The following COL28A1 variants were observed in gnomAD, a reference collection of about 807,000 sequenced individuals.
COL28A1 encodes collagen type XXVIII alpha 1 chain.
In COL28A1, 161 loss-of-function variants were observed where a neutral mutation model predicts 150.2. The observed-to-expected ratio is 1.07, with a 90% CI of 0.94 to 1.22. COL28A1 has a LOEUF of 1.22. Ranked by LOEUF, COL28A1 falls within the 50% of genes most tolerant of loss-of-function variation. COL28A1 has a pLI of 0.00. For synonymous variants in COL28A1, 552 were observed against 469.7 expected, an observed-to-expected ratio of 1.18 and a Z score of -2.26; for missense variants, 1,617 against 1,388.3, an observed-to-expected ratio of 1.16 and a Z score of -2.62.
At chr7:7,443,678 T>C in intron 19 of COL28A1, 25 bp from the exon 20 acceptor site, 2 of 1,613,770 alleles carry the variant, frequency 1.2e-6, no homozygotes. Flanking sequence ...ACTGATGTGT[T>C]AGCTGACCCT....
chr7:7,422,998 G>C (rs534213436), intron 25 of COL28A1, among the ~76,000 whole-genome samples: 25 of 152,320 alleles, frequency 1.6e-4, no homozygotes, highest in Middle Eastern at 3.4e-3. Context: ...GCATGATTTG[G>C]ATCCCAATCC....
chr7:7,446,801 T>G (rs1443670857), intron 18 of COL28A1, among the ~76,000 whole-genome samples: 1 of 152,178 alleles, frequency 6.6e-6, no homozygotes, highest in Non-Finnish European at 1.5e-5. Context: ...TTCAGGCATC[T>G]CTCTAAGGAG....
Position 7,465,231 on chromosome 7 carries a change from G to A in COL28A1, c.1303-9119C>T, listed in dbSNP as rs183935135. ...CACTAGGGAGTGCCAGACAGTGGGC[G>A]CCGGCCAGTGTGTGTGCGCACCGTG... is the stretch of plus-strand genomic sequence containing the variant. On this transcript the variant is annotated intron_variant, in intron 15 of 34. Coordinates refer to ENST00000399429, the MANE Select transcript of COL28A1 (RefSeq NM_001037763.3). Among the ~76,000 whole-genome samples the A allele has an allele frequency of 2.2e-3, 334 of 151,390 alleles. 1 individual carries two copies. The highest frequency in any genetic ancestry group is 7.4e-3 in the African/African-American group (305 of 41,254).
At chr7:7,442,427 C>T (rs1416748681) in intron 20 of COL28A1, among the ~76,000 whole-genome samples, 1 of 152,178 alleles carries the variant, frequency 6.6e-6, no homozygotes, top group Non-Finnish European at 1.5e-5. Flanking sequence ...AAACAATTCT[C>T]CTGAATGTTA....
chr7:7,382,350 G>A (rs1781920510), intron 27 of COL28A1, among the ~76,000 whole-genome samples: 1 of 151,766 alleles, frequency 6.6e-6, no homozygotes, highest in South Asian at 2.1e-4. Flanking sequence ...TTAGTAACGG[G>A]GAAAAGAGTA....
chr7:7,515,257 G>C (rs2115168551), intron 8 of COL28A1, among the ~76,000 whole-genome samples: 1 of 152,246 alleles, frequency 6.6e-6, no homozygotes, highest in South Asian at 2.1e-4. Context: ...AAGCAGTTTG[G>C]TATCCTAACT....
In COL28A1 at chr7:7,360,432, T is replaced by G. The variant is rs749713960; in HGVS notation, c.3163A>C (p.Thr1055Pro). The stretch of plus-strand genomic sequence containing the variant: ...GGGGTGCTGAGCAGTGGCCTGGGGG[T>G]GGTGGTGGCCTCAGATGAGGTAGTG... Reference protein sequence around the residue: ...PATTSSEATTTPRPLLSTPVD... With the variant: ...PATTSSEATTPPRPLLSTPVD... Residue 1055 changes from threonine to proline, a missense_variant, in exon 34 of 35, where the codon ACC (threonine) becomes CCC (proline). Coordinates refer to ENST00000399429, the MANE Select transcript of COL28A1 (RefSeq NM_001037763.3). The G allele has an allele frequency of 6.2e-7, 1 of 1,606,104 alleles. No individual in the cohort carries two copies. The highest frequency in any genetic ancestry group is 8.5e-7 in the Non-Finnish European group (1 of 1,177,620).
At chr7:7,375,402 C>T (rs140414446) in intron 31 of COL28A1, 59 bp downstream of exon 31, 1 of 1,469,954 alleles carries the variant, frequency 6.8e-7, no homozygotes, top group Non-Finnish European at 9.2e-7. Context: ...CTGTCACCAG[C>T]ACAGTACATA....
rs149121942 is a variant in COL28A1, at chr7:7,464,519, C to A, written c.1303-8407G>T. On this transcript the variant is annotated intron_variant, in intron 15 of 34. Coordinates refer to ENST00000399429, the MANE Select transcript of COL28A1 (RefSeq NM_001037763.3). ...TCAACTCCAAAATGAACCTTCAAAG[C>A]CATGCAAATACATGGAAATTAAATA... Among the ~76,000 whole-genome samples the A allele has an allele frequency of 1.6e-4, 24 of 152,284 alleles. 1 individual carries two copies. In the East Asian group the frequency reaches 4.4e-3, roughly 28 times the overall value.
chr7:7,469,646 T>C (rs201125817), intron 15 of COL28A1, among the ~76,000 whole-genome samples: 1 of 101,686 alleles, frequency 9.8e-6, no homozygotes, highest in African/African-American at 4.0e-5. Context: ...GAGCCCGCAT[T>C]GCCAAGTCAA....
At chr7:7,512,623 G>C (rs1282226358) in intron 8 of COL28A1, among the ~76,000 whole-genome samples, 1 of 152,068 alleles carries the variant, frequency 6.6e-6, no homozygotes, top group Non-Finnish European at 1.5e-5. Flanking sequence ...GAACTAAAAG[G>C]TGACAGTCAG....
chr7:7,415,518 A>G (rs1402403493), intron 27 of COL28A1, among the ~76,000 whole-genome samples: 1 of 152,082 alleles, frequency 6.6e-6, no homozygotes, highest in African/African-American at 2.4e-5. Context: ...CAATATGTCT[A>G]AAGAGGTTTT....
chr7:7,403,288 C>T lies in COL28A1; in HGVS notation c.2136+14571G>A, dbSNP rs368200738. On this transcript the variant is annotated intron_variant, in intron 27 of 34. Coordinates refer to ENST00000399429, the MANE Select transcript of COL28A1 (RefSeq NM_001037763.3). ...ACTTTCAGTACAATCAGATCAAAGC[C>T]GAGGGGAGGAGAAGACTTGAGGATG... is the stretch of plus-strand genomic sequence containing the variant. Among the ~76,000 whole-genome samples, 19 of 152,006 alleles carry T rather than the reference C, an allele frequency of 1.2e-4. No individual in the cohort carries two copies. In the South Asian group the frequency reaches 3.5e-3, roughly 28 times the overall value.
chr7:7,389,113 GTTTTT>G (rs574896876), intron 27 of COL28A1, among the ~76,000 whole-genome samples: 1 of 151,016 alleles, frequency 6.6e-6, no homozygotes, highest in Admixed American at 6.6e-5. Context: ...TTCTTCTAGG[GTTTTT>G]TTTTAAGGTT....
chr7:7,450,612 G>C (rs1786618006), intron 18 of COL28A1, among the ~76,000 whole-genome samples: 1 of 152,142 alleles, frequency 6.6e-6, no homozygotes, highest in Non-Finnish European at 1.5e-5. Flanking sequence ...CAAGATTTTG[G>C]TAGTATCACA....
At chr7:7,458,762 C>T (rs770831010) in intron 15 of COL28A1, among the ~76,000 whole-genome samples, 56 of 152,172 alleles carry the variant, frequency 3.7e-4, no homozygotes, top group Non-Finnish European at 6.3e-4. Flanking sequence ...GTAAGTAACT[C>T]ACCCCAGGTC....
At chr7:7,443,089 G>A (rs2128321938) in intron 20 of COL28A1, among the ~76,000 whole-genome samples, 1 of 151,904 alleles carries the variant, frequency 6.6e-6, no homozygotes, top group South Asian at 2.1e-4. Context: ...TATAGGTTAT[G>A]TCACTAGTTG....
At chr7:7,390,683 T>C (rs1782487612) in intron 27 of COL28A1, among the ~76,000 whole-genome samples, 1 of 152,204 alleles carries the variant, frequency 6.6e-6, no homozygotes, top group South Asian at 2.1e-4. Flanking sequence ...TGTTTTGGTC[T>C]GTTCGAGGAT....
the COL28A1 span, among the ~76,000 whole-genome samples, chr7:7,344,914 G>A: frequency 1.3e-5 from 2 of 151,984 alleles, no homozygotes; most frequent in Non-Finnish European, 2.9e-5. Context: ...ATCAGATTAG[G>A]CAAAATTGAG....
Sources: allele counts gnomAD v4.1 joint callset (sites outside exome capture counted in the v4.1 genomes callset), GRCh38; gene constraint gnomAD v4.1.1; transcripts MANE v1.5; gene names NCBI Gene and HGNC (gene_info 2026-07-23, HGNC 2026-07-21).